The following PROS1 variants were observed in gnomAD, a reference collection of about 807,000 sequenced individuals.
PROS1 encodes the protein protein S.
PROS1 carries 29 observed loss-of-function variants against 75.9 expected under a neutral mutation model. The observed-to-expected ratio is 0.38, with a 90% confidence interval of 0.28 to 0.52. The LOEUF is 0.52. Among genes scored for constraint, PROS1 ranks in the 20% least tolerant of loss-of-function variants. The pLI, the probability that PROS1 is intolerant of heterozygous loss-of-function variation, is 0.83. For missense variants in PROS1, 680 were observed against 810.3 expected (o/e 0.84, Z 1.95); for synonymous variants, 245 against 280.6 (o/e 0.87, Z 1.27).
At position 93,932,094 on chromosome 3, in the gene PROS1, G is replaced by T. The variant is rs185054944; in HGVS notation, c.77-4687C>A. On this transcript the variant is annotated intron_variant, in intron 1 of 14. Transcript: ENST00000394236. ...GGGTTTGAAGTGCTTTCAGCAATTG[G>T]CTCAAAGTTCTTCTGCCCAAAAATA... 4.1e-3 allele frequency among the ~76,000 whole-genome samples: 622 copies of T among 152,264 alleles called. 17 individuals are homozygous for T. Among genetic ancestry groups the T allele is most frequent in the Non-Finnish European group, 1.7e-3 (118 of 68,022 alleles).
chr3:93,952,548 G>A (rs1201015799), intron 1 of PROS1, among the ~76,000 whole-genome samples: 9 of 152,026 alleles, frequency 5.9e-5, no homozygotes, highest in East Asian at 1.9e-4. Flanking sequence ...AAGACACAAC[G>A]TACCAGAATC....
At chr3:93,917,643 T>C (rs963857991) in intron 3 of PROS1, among the ~76,000 whole-genome samples, 2 of 151,942 alleles carry the variant, frequency 1.3e-5, no homozygotes, top group Admixed American at 6.6e-5. Flanking sequence ...ACAGCTGGAG[T>C]TCCTGGTGGG....
At chr3:93,964,962 A>C (rs568231176) in intron 1 of PROS1, among the ~76,000 whole-genome samples, 2 of 152,306 alleles carry the variant, frequency 1.3e-5, no homozygotes, top group East Asian at 3.9e-4. Flanking sequence ...TGGGAAGGTG[A>C]CTACATCCAC....
intron 8 of PROS1, 82 bp downstream of exon 8, chr3:93,898,366 T>G: frequency 1.3e-6 from 2 of 1,509,862 alleles, no homozygotes; most frequent in Non-Finnish European, 1.8e-6. Flanking sequence ...TGTATTTTCC[T>G]GACTTAGCTA....
chr3:93,881,249 A>C (rs1170461814), intron 12 of PROS1, among the ~76,000 whole-genome samples: 1 of 152,008 alleles, frequency 6.6e-6, no homozygotes, highest in African/African-American at 2.4e-5. Context: ...TTGAGCCCAG[A>C]AGGTCTAGGT....
In PROS1 at chr3:93,873,879, C is replaced by T. The variant is rs1406951441; in HGVS notation, c.*366G>A. On this transcript the variant is annotated 3_prime_UTR_variant, in exon 15 of 15. Transcript: ENST00000394236. ...GATTAATAGTATTTAATTACACGCA[C>T]TTTTGTTTGAGTTTACTTCCTTGCT... is the stretch of plus-strand genomic sequence containing the variant. The T allele has an allele frequency of 1.2e-5, 3 of 244,100 alleles. No homozygotes were observed. Among genetic ancestry groups the T allele is most frequent in the Non-Finnish European group, 1.6e-5 (2 of 124,008 alleles). The allele number at this position is 244,100 out of a possible 1,614,324, so 15.1% of individuals were successfully genotyped here.
At chr3:93,908,683 A>G (rs1316380609) in intron 4 of PROS1, among the ~76,000 whole-genome samples, 2 of 152,246 alleles carry the variant, frequency 1.3e-5, no homozygotes, top group African/African-American at 4.8e-5. Context: ...CACAGTACAA[A>G]TGGCATCAGG....
At chr3:93,968,944 T>C (rs778975859) in intron 1 of PROS1, among the ~76,000 whole-genome samples, 25 of 151,956 alleles carry the variant, frequency 1.6e-4, no homozygotes, top group Non-Finnish European at 1.6e-4. Flanking sequence ...CTATGGTTCA[T>C]CTTATTGAGC....
intron 1 of PROS1, among the ~76,000 whole-genome samples, chr3:93,955,307 C>A (rs1014539512): frequency 1.8e-4 from 27 of 152,098 alleles, no homozygotes; most frequent in Admixed American, 1.0e-3. Context: ...TTCACAATAG[C>A]AAAGACTTGG....
chr3:93,973,576 G>A, intron 1 of PROS1, 98 bp downstream of exon 1: 1 of 1,315,840 alleles, frequency 7.6e-7, no homozygotes, highest in East Asian at 2.5e-5. Context: ...AAACTTTCTA[G>A]GAGGCTGCAG....
intron 9 of PROS1, among the ~76,000 whole-genome samples, chr3:93,894,490 G>A (rs1257642495): frequency 6.6e-6 from 1 of 152,108 alleles, no homozygotes; most frequent in African/African-American, 2.4e-5. Context: ...TGTATGCTCA[G>A]GATCTTCCAG....
At chr3:93,951,520 A>C (rs1709495382) in intron 1 of PROS1, among the ~76,000 whole-genome samples, 1 of 152,188 alleles carries the variant, frequency 6.6e-6, no homozygotes, top group Non-Finnish European at 1.5e-5. Flanking sequence ...AGGAGAAATA[A>C]AATCCTTTAC....
intron 1 of PROS1, among the ~76,000 whole-genome samples, chr3:93,931,290 T>G (rs1709101747): frequency 1.3e-5 from 2 of 152,236 alleles, no homozygotes; most frequent in South Asian, 2.1e-4. Context: ...TACTCAAATG[T>G]CCATGATGTA....
At chr3:93,930,341 C>G (rs1188901510) in intron 1 of PROS1, among the ~76,000 whole-genome samples, 1 of 152,168 alleles carries the variant, frequency 6.6e-6, no homozygotes, top group Non-Finnish European at 1.5e-5. Context: ...TTTACGCATG[C>G]TAGTTTGTAA....
chr3:93,954,261 T>A (rs1345373432), intron 1 of PROS1, among the ~76,000 whole-genome samples: 1 of 152,164 alleles, frequency 6.6e-6, no homozygotes, highest in Non-Finnish European at 1.5e-5. Context: ...AGAGCCCGCA[T>A]TGCCAAGACA....
In PROS1 at chr3:93,877,020, C is replaced by T. The variant is rs371885410; in HGVS notation, c.1816G>A (p.Val606Ile). ...TTTGCTTTCATTGCTTTGTCCAAGA[C>T]GGCAAGTTGTCTTTGAAGGTCTTCA... Reference protein sequence around the residue: ...SHEDLQRQLAVLDKAMKAKVA... With the variant: ...SHEDLQRQLAILDKAMKAKVA... The change falls in exon 14 of 15, where the codon GTC becomes ATC. Residue 606 changes from valine (V) to isoleucine (I), a missense_variant. By Grantham distance (29) the Val-to-Ile change is conservative (BLOSUM62 3). Coordinates refer to ENST00000394236, the MANE Select transcript of PROS1 (RefSeq NM_000313.4). 1.7e-4 allele frequency: 276 copies of T among 1,613,808 alleles called. No individual in the cohort carries two copies. Among genetic ancestry groups the T allele is most frequent in the Non-Finnish European group, 2.1e-4 (250 of 1,179,898 alleles).
chr3:93,941,726 A>C (rs576336353), intron 1 of PROS1, among the ~76,000 whole-genome samples: 1 of 152,178 alleles, frequency 6.6e-6, no homozygotes, highest in Admixed American at 6.5e-5. Context: ...CTTTTTGTCC[A>C]AACAACTTGA....
At chr3:93,940,484 T>TA (rs1231990860) in intron 1 of PROS1, among the ~76,000 whole-genome samples, 2 of 152,142 alleles carry the variant, frequency 1.3e-5, no homozygotes. Flanking sequence ...CTAAATCTCT[T>TA]AAAACTCCCC....
At chr3:93,908,628 G>A in intron 4 of PROS1, among the ~76,000 whole-genome samples, 1 of 152,170 alleles carries the variant, frequency 6.6e-6, no homozygotes, top group East Asian at 1.9e-4. Flanking sequence ...AGCTCAGAGA[G>A]GGATAGGGAT....
Sources: allele counts gnomAD v4.1 joint callset (sites outside exome capture counted in the v4.1 genomes callset), GRCh38; gene constraint gnomAD v4.1.1; transcripts MANE v1.5; gene names NCBI Gene and HGNC (gene_info 2026-07-23, HGNC 2026-07-21).